MACROD1: variants seen among roughly 807,000 people sequenced by gnomAD.
MACROD1 encodes mono-ADP ribosylhydrolase 1, also known as ADP-ribose glycohydrolase MACROD1.
A neutral mutation model predicts 41.4 loss-of-function variants in MACROD1; 31 were observed. The ratio of observed to expected loss-of-function variants is 0.75; its 90% CI spans 0.56 to 1.01. The LOEUF is 1.01. Ranked by LOEUF, MACROD1 falls within the 50% of genes least tolerant of loss-of-function variation. The pLI is 0.00. For synonymous variants in MACROD1, 252 were observed against 203.4 expected (o/e 1.24, Z -2.03); for missense variants, 473 against 460.0 (o/e 1.03, Z -0.26).
chr11:64,069,329 C>T (rs1420639161), intron 3 of MACROD1, among the ~76,000 whole-genome samples: 1 of 152,196 alleles, frequency 6.6e-6, no homozygotes, highest in African/African-American at 2.4e-5. Context: ...AGCCGAAGAG[C>T]CTGGGGGGCA....
intron 3 of MACROD1, among the ~76,000 whole-genome samples, chr11:64,050,172 T>C (rs1943666223): frequency 6.6e-6 from 1 of 151,660 alleles, no homozygotes; most frequent in East Asian, 1.9e-4. Flanking sequence ...CTCCCACCTC[T>C]CCCTCCACCC....
At chr11:64,147,665 C>T (rs929266593) in intron 3 of MACROD1, among the ~76,000 whole-genome samples, 4 of 152,002 alleles carry the variant, frequency 2.6e-5, no homozygotes, top group Admixed American at 2.0e-4. Context: ...CTCAAGTGAT[C>T]CGCCTGTCTC....
chr11:64,083,812 T>C (rs1590883831), intron 3 of MACROD1, among the ~76,000 whole-genome samples: 1 of 151,956 alleles, frequency 6.6e-6, no homozygotes, highest in Non-Finnish European at 1.5e-5. Context: ...TCAGCAGGGG[T>C]TGGCATCAAC....
intron 3 of MACROD1, among the ~76,000 whole-genome samples, chr11:64,136,001 G>A (rs868586742): frequency 2.0e-5 from 3 of 152,206 alleles, no homozygotes; most frequent in South Asian, 4.1e-4. Flanking sequence ...TGGGCGGCCC[G>A]ATGGACGTCC....
In MACROD1 at chr11:64,107,690, G is replaced by A. The variant is rs529085336; in HGVS notation, c.517+43549C>T. 2.6e-5 allele frequency among the ~76,000 whole-genome samples: 4 copies of A among 152,384 alleles called. No homozygotes were observed. The East Asian group carries it at 5.8e-4, about 22-fold the overall frequency. ...TGATACCAGTGGATGGGATCCAGGA[G>A]CAAAGCTGTTCAGGGTGATGGGTGT... On this transcript the variant is annotated intron_variant, in intron 3 of 10. Transcript: ENST00000255681.
Position 64,036,625 on chromosome 11 carries a change from G to A in MACROD1, c.518-21344C>T, listed in dbSNP as rs1034788828. 4.6e-5 allele frequency among the ~76,000 whole-genome samples: 7 copies of A among 152,228 alleles called. No individual in the cohort carries two copies. Among genetic ancestry groups the A allele is most frequent in the East Asian group, 1.9e-4 (1 of 5,176 alleles). ...GGGCGCCGCGCTCCCGTCCCCACCA[G>A]CCGCGTGAGTCACGGTTGGAGCGAG... On this transcript the variant is annotated intron_variant, in intron 3 of 10. Coordinates refer to ENST00000255681, the MANE Select transcript of MACROD1 (RefSeq NM_014067.4). The surrounding 1 kb of genome is among the most constrained non-coding windows in gnomAD (Gnocchi z 5.6).
chr11:64,015,933 C>T (rs759304428), intron 3 of MACROD1, among the ~76,000 whole-genome samples: 19 of 152,200 alleles, frequency 1.2e-4, no homozygotes, highest in Admixed American at 5.9e-4. Flanking sequence ...GTGACTGGGG[C>T]CATGTGGCTT....
chr11:64,026,968 C>G (rs761259917), intron 3 of MACROD1, among the ~76,000 whole-genome samples: 4 of 152,244 alleles, frequency 2.6e-5, no homozygotes, highest in Non-Finnish European at 4.4e-5. Flanking sequence ...CACCCTGTGC[C>G]CATAATGACC....
rs139162750 is a variant in MACROD1, at chr11:64,116,475, C to T, written c.517+34764G>A. ...CAACGGCTTCATCTACTGCAACGACCGGGGACTCACATCCATCCCCGCAGA... is the reference window on the plus strand; with the variant it reads ...CAACGGCTTCATCTACTGCAACGACTGGGGACTCACATCCATCCCCGCAGA... On this transcript the variant is annotated intron_variant, in intron 3 of 10. Transcript: ENST00000255681. The T allele has an allele frequency of 4.3e-6, 7 of 1,614,086 alleles. No homozygotes were observed. The highest frequency in any genetic ancestry group is 5.1e-6 in the Non-Finnish European group (6 of 1,180,020).
In MACROD1 at chr11:64,067,097, T is replaced by C. The variant is rs1944019043; in HGVS notation, c.518-51816A>G. Among the ~76,000 whole-genome samples, 1 of 152,036 alleles carries C rather than the reference T, an allele frequency of 6.6e-6. No individual in the cohort carries two copies. Among genetic ancestry groups the C allele is most frequent in the South Asian group, 2.1e-4 (1 of 4,826 alleles). ...TTGGGTAAACTAAGGCCTGGCAGAATGGAAGCCATTCTCATTACACCACAG... is the reference window on the plus strand; with the variant it reads ...TTGGGTAAACTAAGGCCTGGCAGAACGGAAGCCATTCTCATTACACCACAG... On this transcript the variant is annotated intron_variant, in intron 3 of 10. Transcript: ENST00000255681. The surrounding 1 kb of genome is among the most constrained non-coding windows in gnomAD (Gnocchi z 4.6).
chr11:64,164,421 C>G (rs1945803771), intron 1 of MACROD1, among the ~76,000 whole-genome samples: 1 of 152,230 alleles, frequency 6.6e-6, no homozygotes, highest in Non-Finnish European at 1.5e-5. Flanking sequence ...CTTTCCCACC[C>G]TCCTGGGTTG....
At chr11:64,026,382 T>G (rs1248110183) in intron 3 of MACROD1, among the ~76,000 whole-genome samples, 1 of 152,118 alleles carries the variant, frequency 6.6e-6, no homozygotes, top group East Asian at 1.9e-4. Context: ...CAGCCACCCA[T>G]TCTCCCACTG....
chr11:64,114,961 T>C (rs1944950498), intron 3 of MACROD1, among the ~76,000 whole-genome samples: 1 of 152,170 alleles, frequency 6.6e-6, no homozygotes, highest in African/African-American at 2.4e-5. Flanking sequence ...GACAGAAAGT[T>C]TGGCCTGGTT....
intron 3 of MACROD1, among the ~76,000 whole-genome samples, chr11:64,051,785 A>T (rs1943700074): frequency 1.3e-5 from 2 of 151,926 alleles, no homozygotes; most frequent in South Asian, 4.1e-4. Context: ...GAGGGTGCCC[A>T]TTGCCCATGG....
intron 3 of MACROD1, among the ~76,000 whole-genome samples, chr11:64,101,156 C>T (rs924566814): frequency 3.2e-4 from 49 of 152,028 alleles, no homozygotes; most frequent in Admixed American, 2.8e-3. Flanking sequence ...GGAGGGATGA[C>T]GTCTGCATGG....
At chr11:64,018,635 G>A (rs1476330700) in intron 3 of MACROD1, among the ~76,000 whole-genome samples, 1 of 152,164 alleles carries the variant, frequency 6.6e-6, no homozygotes, top group African/African-American at 2.4e-5. Context: ...TTTCACCTCA[G>A]CTAGTTCCTG....
At chr11:64,121,209 C>T (rs1029427852) in intron 3 of MACROD1, among the ~76,000 whole-genome samples, 3 of 152,160 alleles carry the variant, frequency 2.0e-5, no homozygotes, top group Non-Finnish European at 4.4e-5. Flanking sequence ...CAGGCAGGAG[C>T]CCTGGCAGCT....
intron 3 of MACROD1, among the ~76,000 whole-genome samples, chr11:64,142,644 G>A (rs7938819): frequency 0.6 from 90,567 of 152,036 alleles, 27,224 homozygotes; most frequent in East Asian, 0.66. Flanking sequence ...ACCACTGCCC[G>A]ATCTTGTGGG....
chr11:64,066,117 T>TG (rs1944000805), intron 3 of MACROD1, among the ~76,000 whole-genome samples: 1 of 151,298 alleles, frequency 6.6e-6, no homozygotes, highest in Admixed American at 6.6e-5. Context: ...GCCAACATGG[T>TG]GAAACCCTGT....
Sources: allele counts gnomAD v4.1 joint callset (sites outside exome capture counted in the v4.1 genomes callset), GRCh38; gene constraint gnomAD v4.1.1; non-coding constraint Gnocchi (gnomAD v3.1); transcripts MANE v1.5; gene names NCBI Gene and HGNC (gene_info 2026-07-23, HGNC 2026-07-21).